NSG2: variants seen among roughly 807,000 people sequenced by gnomAD.
NSG2 encodes neuronal vesicle trafficking associated 2.
Under a neutral mutation model 16.9 loss-of-function variants are expected in NSG2, and 4 were observed. That is an observed-to-expected ratio of 0.24 (90% CI 0.12 to 0.54). The LOEUF (loss-of-function observed/expected upper bound fraction) is 0.54. Among genes scored for constraint, NSG2 ranks in the 20% least tolerant of loss-of-function variants. The probability of loss-of-function intolerance (pLI) is 0.95; values close to 1 mark genes in which losing one functional copy is unlikely to be tolerated. For synonymous variants in NSG2, 98 were observed against 88.7 expected (o/e 1.11, Z -0.59); for missense variants, 179 against 221.1 (o/e 0.81, Z 1.21).
At chr5:174,076,977 C>T (rs1760354966) in intron 3 of NSG2, among the ~76,000 whole-genome samples, 1 of 152,092 alleles carries the variant, frequency 6.6e-6, no homozygotes, top group African/African-American at 2.4e-5. Context: ...CAGATTTGTT[C>T]AGTATTTCAG....
chr5:174,049,751 C>G (rs918726761), intron 2 of NSG2, among the ~76,000 whole-genome samples: 3 of 152,200 alleles, frequency 2.0e-5, no homozygotes, highest in Non-Finnish European at 4.4e-5. Flanking sequence ...ATTCCCCTCT[C>G]TTAGGTCTGT....
At chr5:174,049,301 C>G (rs977974510) in intron 2 of NSG2, among the ~76,000 whole-genome samples, 1 of 152,226 alleles carries the variant, frequency 6.6e-6, no homozygotes, top group African/African-American at 2.4e-5. Flanking sequence ...GATTGTGCCA[C>G]TGCACTCCAG....
At chr5:174,091,545 G>T (rs1760721427) in intron 3 of NSG2, among the ~76,000 whole-genome samples, 1 of 152,202 alleles carries the variant, frequency 6.6e-6, no homozygotes, top group African/African-American at 2.4e-5. Context: ...GGGGAAGTCT[G>T]GGAAGGCTTC....
chr5:174,088,256 T>C (rs562138876), intron 3 of NSG2, among the ~76,000 whole-genome samples: 12 of 152,304 alleles, frequency 7.9e-5, no homozygotes, highest in African/African-American at 2.9e-4. Context: ...CTTAGAGATA[T>C]CACAAAAGTT....
chr5:174,080,769 G>A (rs1274841182), intron 3 of NSG2, among the ~76,000 whole-genome samples: 1 of 151,944 alleles, frequency 6.6e-6, no homozygotes, highest in Admixed American at 6.6e-5. Flanking sequence ...TACCATATTG[G>A]CCAGGCTGGT....
At chr5:174,066,344 C>T (rs770901341) in intron 3 of NSG2, 5 of 437,196 alleles carry the variant, frequency 1.1e-5, no homozygotes, top group Non-Finnish European at 1.9e-5. Context: ...CACCAGGCCA[C>T]GGGGTCAAAT....
At chr5:174,060,917 A>C (rs1207035242) in intron 2 of NSG2, among the ~76,000 whole-genome samples, 2 of 152,166 alleles carry the variant, frequency 1.3e-5, no homozygotes, top group Non-Finnish European at 2.9e-5. Flanking sequence ...GCACAATGTA[A>C]TCATGGGAGG....
chr5:174,107,277 G>A lies in NSG2; in HGVS notation c.325-37G>A, dbSNP rs1379071140. 4 of 1,505,104 alleles carry A rather than the reference G, an allele frequency of 2.7e-6. No individual in the cohort carries two copies. The highest frequency in any genetic ancestry group is 2.2e-5 in the Admixed American group (1 of 46,388). The allele number at this position is 1,505,104 out of a possible 1,614,324, so 93.2% of individuals were successfully genotyped here. A position where few individuals can be genotyped will look rare whatever the true frequency, so the allele number is the denominator to read the frequency against. ...TTGCTGGGCAGGTTGGGAGCAGTTT[G>A]CTGAATGACCCCTGACTCTGTCTCT... On this transcript the variant is annotated intron_variant, in intron 4 of 4. Coordinates refer to ENST00000303177, the MANE Select transcript of NSG2 (RefSeq NM_015980.5). This position sits in a 1 kb window ranked among gnomAD's most constrained non-coding sequence, Gnocchi z 4.5.
chr5:174,085,561 C>T (rs922096188), intron 3 of NSG2, among the ~76,000 whole-genome samples: 1 of 152,218 alleles, frequency 6.6e-6, no homozygotes, highest in Non-Finnish European at 1.5e-5. Context: ...GACCTCACTG[C>T]TCCAAGCCCA....
At chr5:174,078,602 A>C (rs1760388400) in intron 3 of NSG2, among the ~76,000 whole-genome samples, 1 of 152,196 alleles carries the variant, frequency 6.6e-6, no homozygotes, top group African/African-American at 2.4e-5. Flanking sequence ...GTTTTCCCAC[A>C]AATTCCGATG....
chr5:174,091,313 C>T (rs1159414600), intron 3 of NSG2: 2 of 152,474 alleles, frequency 1.3e-5, no homozygotes, highest in African/African-American at 4.8e-5. Flanking sequence ...GATGGAGCAA[C>T]TAGATGTGAG....
chr5:174,053,046 A>G (rs1759917140), intron 2 of NSG2, among the ~76,000 whole-genome samples: 1 of 152,200 alleles, frequency 6.6e-6, no homozygotes. Flanking sequence ...CATGCTTTAA[A>G]TTTTGCACAG....
chr5:174,062,027 C>T (rs1760061630), intron 2 of NSG2, among the ~76,000 whole-genome samples: 1 of 150,978 alleles, frequency 6.6e-6, no homozygotes, highest in Non-Finnish European at 1.5e-5. Flanking sequence ...TGCAGCCTGA[C>T]AGGTGCAAGG....
rs754250787 is a variant in NSG2, at chr5:174,104,266, G to T, written c.252G>T (p.Ala84=). The change falls in exon 4 of 5, where the codon GCG becomes GCT. Residue 84 remains alanine (A), a synonymous_variant. Coordinates refer to ENST00000303177, the MANE Select transcript of NSG2 (RefSeq NM_015980.5). ...TCAGCCTGGCCCTAGCTTTCCTTGC[G>T]TGCATCGTGTTCCTGGTGGTTTACA... ...ILVSLALAFL[A]CIVFLVVYKA... 6.2e-7 allele frequency: 1 copy of T among 1,614,116 alleles called. No individual in the cohort carries two copies.
rs147107225 is a variant in NSG2 at position 174,089,776 on chromosome 5, G to A, written c.214-14452G>A. 7.0e-3 allele frequency among the ~76,000 whole-genome samples: 1,065 copies of A among 152,150 alleles called. 11 individuals carry two copies. Among genetic ancestry groups the A allele is most frequent in the African/African-American group, 0.024 (1,011 of 41,480 alleles). The stretch of plus-strand genomic sequence containing the variant: ...ACTACAGGTGTACACTACCACCTCC[G>A]GCTAGTTTTTACTTTTTTCTTTTTT... On this transcript the variant is annotated intron_variant, in intron 3 of 4. Transcript: ENST00000303177.
intron 3 of NSG2, among the ~76,000 whole-genome samples, chr5:174,078,841 T>C (rs918550118): frequency 6.6e-6 from 1 of 152,200 alleles, no homozygotes; most frequent in Admixed American, 6.5e-5. Flanking sequence ...GCCTTCATCT[T>C]AGGTCTCTCA....
intron 3 of NSG2, among the ~76,000 whole-genome samples, chr5:174,097,537 A>ATGTG (rs897022739): frequency 1.4e-5 from 2 of 144,300 alleles, no homozygotes; most frequent in Non-Finnish European, 3.0e-5. Flanking sequence ...GTGTAACTAT[A>ATGTG]TGTGTGTGTC....
In NSG2 at chr5:174,109,110, CG is replaced by C. The variant is rs1247495421; in HGVS notation, c.*1607del. ...TATTTTTGTCAGTAGGTAGCAGAGG[CG>C]GAAGTATTTTTTGGTGTAATTCTTG... On this transcript the variant is annotated 3_prime_UTR_variant, in exon 5 of 5. Transcript: ENST00000303177. The C allele has an allele frequency of 6.5e-6, 1 of 152,708 alleles. No homozygotes were observed. Among genetic ancestry groups the C allele is most frequent in the Non-Finnish European group, 1.5e-5 (1 of 68,038 alleles). 9.5% of individuals were successfully genotyped at this position (152,708 alleles called of 1,614,324 possible). A position where few individuals can be genotyped will look rare whatever the true frequency, so the allele number is the denominator to read the frequency against.
chr5:174,086,848 G>A (rs1760632656), intron 3 of NSG2, among the ~76,000 whole-genome samples: 1 of 152,166 alleles, frequency 6.6e-6, no homozygotes, highest in African/African-American at 2.4e-5. Flanking sequence ...CAGGGCCCTC[G>A]GACCCTCGCT....
Sources: allele counts gnomAD v4.1 joint callset (sites outside exome capture counted in the v4.1 genomes callset), GRCh38; gene constraint gnomAD v4.1.1; non-coding constraint Gnocchi (gnomAD v3.1); transcripts MANE v1.5; gene names NCBI Gene and HGNC (gene_info 2026-07-23, HGNC 2026-07-21).